Variants in SNX30 observed in about 807,000 individuals in gnomAD.
SNX30 encodes sorting nexin-30.
A neutral mutation model predicts 46.4 loss-of-function variants in SNX30; 24 were observed. The ratio of observed to expected loss-of-function variants is 0.52; its 90% CI spans 0.37 to 0.73. The LOEUF (loss-of-function observed/expected upper bound fraction) is 0.73, where lower values mean the gene tolerates loss of function less well. Among genes scored for constraint, SNX30 ranks in the 30% least tolerant of loss-of-function variants. The probability of loss-of-function intolerance (pLI) is 0.00; values close to 1 mark genes in which losing one functional copy is unlikely to be tolerated. For missense variants in SNX30, 533 were observed against 555.7 expected (o/e 0.96, Z 0.41); for synonymous variants, 189 against 211.5 (o/e 0.89, Z 0.92).
intron 7 of SNX30, among the ~76,000 whole-genome samples, chr9:112,855,404 GC>G (rs774122418): frequency 6.6e-6 from 1 of 152,134 alleles, no homozygotes; most frequent in Non-Finnish European, 1.5e-5. Context: ...GAGTCTGGGG[GC>G]TTACCTCGTT....
At chr9:112,861,918 C>T (rs1841242643) in intron 7 of SNX30, among the ~76,000 whole-genome samples, 1 of 145,218 alleles carries the variant, frequency 6.9e-6, no homozygotes, top group Non-Finnish European at 1.5e-5. Context: ...ACGGGGGCTG[C>T]AGGGGAAGCG....
Position 112,768,418 on chromosome 9 carries a change from C to T in SNX30, c.156+17261C>T, listed in dbSNP as rs554945103. 3.8e-4 allele frequency among the ~76,000 whole-genome samples: 58 copies of T among 152,262 alleles called. No individual in the cohort carries two copies. In the South Asian group the frequency reaches 0.012, roughly 31 times the overall value. On this transcript the variant is annotated intron_variant, in intron 1 of 8. Transcript: ENST00000374232. ...AGACCTAATTCCAGATACAGAGATT[C>T]AGAATCTGCATTTTGACATGATCCC...
intron 1 of SNX30, among the ~76,000 whole-genome samples, chr9:112,791,398 A>ATTTT (rs1564270543): frequency 2.0e-4 from 8 of 39,880 alleles, no homozygotes; most frequent in African/African-American, 3.2e-4. Context: ...ATATTTAGGA[A>ATTTT]CTTTTTTTTT....
chr9:112,756,828 C>A (rs1316069118), intron 1 of SNX30, among the ~76,000 whole-genome samples: 1 of 152,206 alleles, frequency 6.6e-6, no homozygotes, highest in Non-Finnish European at 1.5e-5. Flanking sequence ...TACCTAGAAG[C>A]ATTCCAGCTC....
intron 1 of SNX30, among the ~76,000 whole-genome samples, chr9:112,787,291 C>A (rs1330694099): frequency 6.6e-6 from 1 of 151,968 alleles, no homozygotes; most frequent in South Asian, 2.1e-4. Flanking sequence ...CTGTTCTGTA[C>A]GGGGAGAAAA....
At chr9:112,866,993 C>CCCTCCTCAGAACTCCTCCCA (rs1564297938) in intron 8 of SNX30, among the ~76,000 whole-genome samples, 1 of 5,646 alleles carries the variant, frequency 1.8e-4, no homozygotes, top group Non-Finnish European at 3.9e-4. Flanking sequence ...AATTCCTTCT[C>CCCTCCTCAGAACTCCTCCCA]CCTCCTCAGA....
At chr9:112,823,761 A>G (rs1840540694) in intron 3 of SNX30, among the ~76,000 whole-genome samples, 1 of 152,068 alleles carries the variant, frequency 6.6e-6, no homozygotes, top group African/African-American at 2.4e-5. Flanking sequence ...TCCATTTTCT[A>G]GTTGGGTTCT....
rs1378096606 is a variant in SNX30 at position 112,830,762 on chromosome 9, A to G, written c.497A>G (p.Asp166Gly). ...AAGTTTGTGGTAAAAGGTGTTGTGG[A>G]TCGTTTTTCAGAAGAGTTTGTGGAG... is the stretch of plus-strand genomic sequence containing the variant. ...PEKFVVKGVV[D>G]RFSEEFVETR... The change falls in exon 4 of 9, where the codon GAT becomes GGT. Residue 166 changes from aspartate (D) to glycine (G), a missense_variant. Coordinates refer to ENST00000374232, the MANE Select transcript of SNX30 (RefSeq NM_001012994.2). 2.5e-6 allele frequency: 4 copies of G among 1,613,180 alleles called. No individual in the cohort carries two copies. The highest frequency in any genetic ancestry group is 3.3e-5 in the Admixed American group (2 of 59,814).
intron 3 of SNX30, among the ~76,000 whole-genome samples, chr9:112,824,245 TACTAA>T (rs1184711335): frequency 2.6e-5 from 4 of 152,252 alleles, no homozygotes; most frequent in Non-Finnish European, 5.9e-5. Context: ...GACAGTGCTT[TACTAA>T]AGTACTAAGT....
intron 6 of SNX30, 62 bp from the exon 7 acceptor site, chr9:112,850,797 T>TG (rs1291372934): frequency 8.5e-6 from 11 of 1,290,100 alleles, no homozygotes; most frequent in Admixed American, 3.6e-5. Flanking sequence ...AGCAATTGCC[T>TG]GGGGGTGGGA....
At chr9:112,751,503 G>A (rs1254248063) in intron 1 of SNX30, among the ~76,000 whole-genome samples, 1 of 152,222 alleles carries the variant, frequency 6.6e-6, no homozygotes, top group African/African-American at 2.4e-5. Flanking sequence ...ATCCCTGCAG[G>A]CTGAGCTGCT....
intron 7 of SNX30, among the ~76,000 whole-genome samples, chr9:112,860,874 G>A (rs1841215649): frequency 6.6e-6 from 1 of 152,174 alleles, no homozygotes; most frequent in Admixed American, 6.5e-5. Flanking sequence ...ACTGATATGA[G>A]CTAACAAATG....
chr9:112,774,112 A>G (rs140674371), intron 1 of SNX30, among the ~76,000 whole-genome samples: 99 of 152,322 alleles, frequency 6.5e-4, no homozygotes, highest in Non-Finnish European at 2.8e-4. Context: ...ATATTTATCA[A>G]GTGTCGGGCA....
At chr9:112,879,226 C>G (rs1244441541), downstream of SNX30, 2 of 152,254 alleles carry the variant, frequency 1.3e-5, no homozygotes, top group East Asian at 3.8e-4. Flanking sequence ...TGACTTTTTT[C>G]AAGGTTTTAT....
chr9:112,809,665 G>A (rs1003081749), intron 2 of SNX30, among the ~76,000 whole-genome samples: 1 of 152,164 alleles, frequency 6.6e-6, no homozygotes, highest in Non-Finnish European at 1.5e-5. Context: ...GCTGAATTAT[G>A]TACAATGCAA....
intron 1 of SNX30, among the ~76,000 whole-genome samples, chr9:112,756,975 CTCATT>C (rs1358904350): frequency 6.6e-6 from 1 of 152,150 alleles, no homozygotes. Context: ...TCATAGTTAA[CTCATT>C]TTGTTTTTGT....
In SNX30 at chr9:112,830,788, A is replaced by T. The variant is rs764626128; in HGVS notation, c.523A>T (p.Thr175Ser). 6.2e-7 allele frequency: 1 copy of T among 1,614,042 alleles called. No homozygotes were observed. The highest frequency in any genetic ancestry group is 8.5e-7 in the Non-Finnish European group (1 of 1,180,002). ...TCGTTTTTCAGAAGAGTTTGTGGAG[A>T]CCAGAAGAAAAGCTTTGGATAAATT... ...VDRFSEEFVE[T>S]RRKALDKFLK... is the part of the protein sequence containing the mutation. Residue 175 changes from threonine (T) to serine (S), a missense_variant, in exon 4 of 9, where the codon ACC becomes TCC. This residue lies in a region of SNX30 where 81 missense variants were observed against 124.4 expected (regional missense o/e 0.65). Transcript: ENST00000374232.
At chr9:112,793,182 A>G (rs1840053964) in intron 1 of SNX30, among the ~76,000 whole-genome samples, 1 of 152,230 alleles carries the variant, frequency 6.6e-6, no homozygotes, top group African/African-American at 2.4e-5. Context: ...TCTTAGATCC[A>G]TAGATTACTA....
downstream of SNX30, among the ~76,000 whole-genome samples, chr9:112,883,132 G>A (rs543712492): frequency 6.6e-6 from 1 of 152,324 alleles, no homozygotes; most frequent in East Asian, 1.9e-4. Context: ...AGTTGAGCAG[G>A]GGGAACCAAT....
Sources: gnomAD v4.1 joint callset for allele counts (sites outside exome capture counted in the v4.1 genomes callset) on GRCh38, gnomAD v4.1.1 for gene constraint, gnomAD v4.1.1 regional missense constraint, MANE v1.5 for transcripts, NCBI Gene and HGNC (gene_info 2026-07-23, HGNC 2026-07-21) for gene names.